Variants in GPD2 observed in about 807,000 individuals in gnomAD.
GPD2 encodes glycerol-3-phosphate dehydrogenase, mitochondrial.
Under a neutral mutation model 82.4 loss-of-function variants are expected in GPD2, and 54 were observed. That is an observed-to-expected ratio of 0.66 (90% CI 0.53 to 0.82). GPD2 has a LOEUF of 0.82. Ranked by LOEUF, GPD2 falls within the 40% of genes least tolerant of loss-of-function variation. GPD2 has a pLI of 0.00. For missense variants in GPD2, 748 were observed against 896.2 expected, an observed-to-expected ratio of 0.83 and a Z score of 2.11; for synonymous variants, 288 against 306.1, an observed-to-expected ratio of 0.94 and a Z score of 0.62.
chr2:156,526,851 A>G (rs563074080), intron 6 of GPD2, among the ~76,000 whole-genome samples: 4 of 152,170 alleles, frequency 2.6e-5, no homozygotes, highest in East Asian at 1.9e-4. Flanking sequence ...ATAAAAGGCC[A>G]TAATGATTGG....
intron 6 of GPD2, among the ~76,000 whole-genome samples, chr2:156,516,586 G>T (rs1685204336): frequency 6.6e-6 from 1 of 152,154 alleles, no homozygotes; most frequent in Non-Finnish European, 1.5e-5. Context: ...ATTACACTTA[G>T]CATGTGCCAC....
rs764563825 is a variant in GPD2 at position 156,579,655 on chromosome 2, C to G, written c.1960-35C>G. 42 of 1,032,796 alleles carry G rather than the reference C, an allele frequency of 4.1e-5. No homozygotes were observed. In the Admixed American group the frequency reaches 7.1e-4, roughly 17 times the overall value. 64.0% of individuals were successfully genotyped at this position (1,032,796 alleles called of 1,614,324 possible). ...CCAAAGCATATGCATAATTTTTAAT[C>G]AAACTGTATTATTCTATGCTTTTCT... On this transcript the variant is annotated intron_variant, in intron 15 of 16. Transcript: ENST00000438166.
At chr2:156,433,180 C>T (rs1011748395), upstream of GPD2, among the ~76,000 whole-genome samples, 1 of 152,174 alleles carries the variant, frequency 6.6e-6, no homozygotes, top group Non-Finnish European at 1.5e-5. Context: ...ACTTAGTTTA[C>T]AGTTTATAGT....
intron 6 of GPD2, among the ~76,000 whole-genome samples, chr2:156,533,110 G>A (rs767443288): frequency 2.6e-5 from 4 of 152,196 alleles, no homozygotes; most frequent in Non-Finnish European, 5.9e-5. Flanking sequence ...GTCACTGAGT[G>A]CAGAATGTTT....
intron 3 of GPD2, among the ~76,000 whole-genome samples, chr2:156,497,095 G>A (rs1684413347): frequency 6.6e-6 from 1 of 152,174 alleles, no homozygotes; most frequent in African/African-American, 2.4e-5. Flanking sequence ...GTGGGTATTA[G>A]CGTGGAATTT....
upstream of GPD2, among the ~76,000 whole-genome samples, chr2:156,430,901 T>C (rs1466875072): frequency 6.6e-6 from 1 of 152,240 alleles, no homozygotes; most frequent in Non-Finnish European, 1.5e-5. Context: ...GATGTCTTAG[T>C]AGCAGGTAGC....
intron 1 of GPD2, among the ~76,000 whole-genome samples, chr2:156,458,213 T>C (rs898595144): frequency 6.6e-6 from 1 of 152,188 alleles, no homozygotes; most frequent in Non-Finnish European, 1.5e-5. Context: ...GGATGGTCTG[T>C]CTCTTCTCTG....
chr2:156,530,552 A>T (rs961580569), intron 6 of GPD2, among the ~76,000 whole-genome samples: 15 of 150,282 alleles, frequency 1.0e-4, no homozygotes, highest in South Asian at 4.3e-4. Context: ...ATTCAGTATG[A>T]TATTGGCTGT....
intron 1 of GPD2, 124 bp from the exon 2 acceptor site, chr2:156,475,974 C>T: frequency 1.5e-6 from 1 of 660,186 alleles, no homozygotes; most frequent in Non-Finnish European, 2.7e-6. Context: ...TAGTAATTTC[C>T]TTATTTTATG....
In GPD2 at chr2:156,583,156, A is replaced by G. The variant is rs1002865422; in HGVS notation, c.*238A>G. The G allele has an allele frequency of 7.0e-5, 34 of 483,298 alleles. No homozygotes were observed. The highest frequency in any genetic ancestry group is 1.0e-4 in the Non-Finnish European group (27 of 264,982). The allele number at this position is 483,298 out of a possible 1,614,324, so 29.9% of individuals were successfully genotyped here. On this transcript the variant is annotated 3_prime_UTR_variant, in exon 17 of 17. Transcript: ENST00000438166. ...TATTTTTTTCTTTTTCTCATTTTCAATGCACATTAGTTTTGCATCTGTTTT... is the reference window on the plus strand; with the variant it reads ...TATTTTTTTCTTTTTCTCATTTTCAGTGCACATTAGTTTTGCATCTGTTTT...
chr2:156,579,590 C>T, intron 15 of GPD2, 100 bp from the exon 16 acceptor site: 1 of 719,404 alleles, frequency 1.4e-6, no homozygotes, highest in South Asian at 1.5e-5. Context: ...CCTTGGCCTC[C>T]CAAAGTGCTG....
intron 1 of GPD2, among the ~76,000 whole-genome samples, chr2:156,457,156 A>G (rs1682815145): frequency 6.6e-6 from 1 of 152,138 alleles, no homozygotes; most frequent in Non-Finnish European, 1.5e-5. Flanking sequence ...TGGTGTCCAG[A>G]GTTTGTGACA....
chr2:156,474,548 GAATGTAAAGTCTTAGGCAGGTC>G (rs1324423132), intron 1 of GPD2, among the ~76,000 whole-genome samples: 10 of 152,112 alleles, frequency 6.6e-5, no homozygotes, highest in Admixed American at 6.5e-4. Context: ...CTGCTTTTGT[GAATGTAAAGTCTTAGGCAGGTC>G]AAATTACTCA....
chr2:156,521,030 G>A (rs1218333949), intron 6 of GPD2, among the ~76,000 whole-genome samples: 2 of 152,098 alleles, frequency 1.3e-5, no homozygotes, highest in African/African-American at 2.4e-5. Flanking sequence ...TATGCCTTAG[G>A]GGAACTGTTG....
Position 156,496,271 on chromosome 2 carries a change from G to A in GPD2, c.274+56G>A, listed in dbSNP as rs903068842. The A allele has an allele frequency of 7.3e-6, 9 of 1,230,998 alleles. No homozygotes were observed. The African/African-American group carries it at 7.5e-5, about 10-fold the overall frequency. The allele number at this position is 1,230,998 out of a possible 1,614,324, so 76.3% of individuals were successfully genotyped here. A position where few individuals can be genotyped will look rare whatever the true frequency, so the allele number is the denominator to read the frequency against. On this transcript the variant is annotated intron_variant, in intron 3 of 16. Coordinates refer to ENST00000438166, the MANE Select transcript of GPD2 (RefSeq NM_000408.5). ...AAGTTCTGGGGTACATGTGCAGGAT[G>A]TGCAGGTTTGTTACATAGGTAAGTG... is the stretch of plus-strand genomic sequence containing the variant.
At chr2:156,482,240 C>A (rs1195569144) in intron 2 of GPD2, among the ~76,000 whole-genome samples, 1 of 152,164 alleles carries the variant, frequency 6.6e-6, no homozygotes, top group African/African-American at 2.4e-5. Flanking sequence ...AAGAATGGCT[C>A]AAAGACAGGT....
At chr2:156,450,228 A>G (rs1389440604) in intron 1 of GPD2, among the ~76,000 whole-genome samples, 1 of 152,172 alleles carries the variant, frequency 6.6e-6, no homozygotes, top group Non-Finnish European at 1.5e-5. Flanking sequence ...TGCTTTGGCT[A>G]AGTTTGAAGT....
intron 2 of GPD2, among the ~76,000 whole-genome samples, chr2:156,486,305 G>A (rs1162306709): frequency 2.6e-5 from 4 of 152,176 alleles, no homozygotes; most frequent in Admixed American, 2.6e-4. Context: ...AGTTTGTGAT[G>A]CTATTTTGTT....
chr2:156,443,671 G>T (rs1366123496), intron 1 of GPD2, among the ~76,000 whole-genome samples: 1 of 152,084 alleles, frequency 6.6e-6, no homozygotes, highest in Non-Finnish European at 1.5e-5. Context: ...GGGAAGGGGC[G>T]AAGTGACATT....
Sources: gnomAD v4.1 joint callset for allele counts (sites outside exome capture counted in the v4.1 genomes callset) on GRCh38, gnomAD v4.1.1 for gene constraint, MANE v1.5 for transcripts, NCBI Gene and HGNC (gene_info 2026-07-23, HGNC 2026-07-21) for gene names.